The following DGKZ variants were observed in gnomAD, a reference collection of about 807,000 sequenced individuals.
DGKZ encodes the protein DAG kinase zeta.
DGKZ carries 45 observed loss-of-function variants against 142.5 expected under a neutral mutation model. That is an observed-to-expected ratio of 0.32 (90% CI 0.25 to 0.40). The LOEUF (loss-of-function observed/expected upper bound fraction) is 0.40, where lower values mean the gene tolerates loss of function less well. Among genes scored for constraint, DGKZ ranks in the 10% least tolerant of loss-of-function variants. DGKZ has a pLI of 1.00. For synonymous variants in DGKZ, 442 were observed against 527.0 expected (o/e 0.84, Z 2.21); for missense variants, 755 against 1,306.5 (o/e 0.58, Z 6.51).
At chr11:46,342,896 G>C (rs1424139534), upstream of DGKZ, among the ~76,000 whole-genome samples, 2 of 152,180 alleles carry the variant, frequency 1.3e-5, no homozygotes, top group Non-Finnish European at 2.9e-5. Context: ...GGCCAAGGCG[G>C]GCAGATCACT....
In DGKZ at chr11:46,372,115, C is replaced by T. The variant is rs1454015737; in HGVS notation, c.872C>T (p.Ser291Phe). The T allele has an allele frequency of 5.6e-6, 9 of 1,612,084 alleles. No homozygotes were observed. Among genetic ancestry groups the T allele is most frequent in the Non-Finnish European group, 7.6e-6 (9 of 1,179,408 alleles). The stretch of plus-strand genomic sequence containing the variant: ...CCCTTCATCATCAGGCCCACCCCCT[C>T]CCCGCTCATGAAGCCCCTGCTGGTG... The change falls in exon 10 of 31, where the codon TCC (serine) becomes TTC (phenylalanine). Residue 291 changes from serine (S) to phenylalanine (F), a missense_variant. Ser to Phe is a radical substitution (Grantham distance 155). Around this residue, in one of 8 missense-constraint regions of DGKZ, gnomAD observed 142 missense variants for 244.4 expected, o/e 0.58. Coordinates refer to ENST00000527911, the Ensembl canonical transcript of DGKZ. The surrounding 1 kb of genome is among the most constrained non-coding windows in gnomAD (Gnocchi z 5.9).
intron 1 of DGKZ, among the ~76,000 whole-genome samples, chr11:46,340,881 G>T (rs1446486988): frequency 2.0e-5 from 3 of 152,194 alleles, no homozygotes; most frequent in Non-Finnish European, 4.4e-5. Flanking sequence ...AGGCATGGTG[G>T]CTCACGCCTG....
chr11:46,375,377 G>T, intron 19 of DGKZ, 55 bp from the exon 20 acceptor site: 1 of 1,510,168 alleles, frequency 6.6e-7, no homozygotes, highest in South Asian at 1.2e-5. Flanking sequence ...CAGAGTCTGG[G>T]ACCCCCCTGC....
intron 1 of DGKZ, among the ~76,000 whole-genome samples, chr11:46,356,533 C>T (rs1480384264): frequency 6.6e-6 from 1 of 152,164 alleles, no homozygotes; most frequent in Non-Finnish European, 1.5e-5. Context: ...GCTGATTGCC[C>T]AGGGTCTGAG....
intron 1 of DGKZ, chr11:46,366,494 C>G (rs1324634354): frequency 1.3e-6 from 2 of 1,581,922 alleles, no homozygotes; most frequent in African/African-American, 1.3e-5. Flanking sequence ...CACTGTGCCC[C>G]CTTCCTGCAA....
Position 46,367,015 on chromosome 11 carries a change from G to A in DGKZ, c.162-276G>A. ...TATAGCTGTGGCCAGCAGGGCGAGT[G>A]GTGTGACCTCCTGTGGGTCTGGCCT... On this transcript the variant is annotated intron_variant, in intron 1 of 30. Coordinates refer to ENST00000527911, the Ensembl canonical transcript of DGKZ. This position sits in a 1 kb window ranked among gnomAD's most constrained non-coding sequence, Gnocchi z 4.1. 2.7e-6 allele frequency: 4 copies of A among 1,487,244 alleles called. No homozygotes were observed. Among genetic ancestry groups the A allele is most frequent in the African/African-American group, 1.4e-5 (1 of 71,546 alleles). The allele number at this position is 1,487,244 out of a possible 1,614,324, so 92.1% of individuals were successfully genotyped here.
chr11:46,368,391 C>T, intron 4 of DGKZ: 1 of 401,626 alleles, frequency 2.5e-6, no homozygotes, highest in Admixed American at 3.5e-5. Flanking sequence ...TTAGAAGAGG[C>T]CATTGATTTG....
chr11:46,369,638 C>A, intron 5 of DGKZ, 88 bp downstream of exon 5: 1 of 1,523,168 alleles, frequency 6.6e-7, no homozygotes, highest in Non-Finnish European at 9.1e-7. Context: ...CACCAGGGGG[C>A]TCGGCTCCCT....
At chr11:46,358,125 C>CT (rs923443415) in intron 1 of DGKZ, among the ~76,000 whole-genome samples, 22 of 151,850 alleles carry the variant, frequency 1.4e-4, no homozygotes, top group Admixed American at 5.3e-4. Context: ...TGGTTCCTGC[C>CT]TTTTTTTTGC....
At chr11:46,369,525 A>T in exon 5 of DGKZ, 1 of 1,613,496 alleles carries the variant, frequency 6.2e-7, no homozygotes, top group Non-Finnish European at 8.5e-7. Context: ...TCCTTCCGTG[A>T]ATCAGGCTCC....
At chr11:46,375,144 C>A in intron 19 of DGKZ, 99 bp downstream of exon 19, 1 of 1,126,168 alleles carries the variant, frequency 8.9e-7, no homozygotes, top group African/African-American at 1.6e-5. Flanking sequence ...CTAGTTCACC[C>A]TCACCTCCCT....
chr11:46,337,837 G>A (rs1285461948), intron 1 of DGKZ, among the ~76,000 whole-genome samples: 1 of 152,152 alleles, frequency 6.6e-6, no homozygotes, highest in Non-Finnish European at 1.5e-5. Context: ...TCACTGGGAT[G>A]TGGCTGGCGG....
rs755605885 is a variant in DGKZ at position 46,367,329 on chromosome 11, C to T, written c.200C>T (p.Pro67Leu). 3.5e-5 allele frequency: 56 copies of T among 1,612,774 alleles called. No individual in the cohort carries two copies. In the Middle Eastern group the frequency reaches 8.8e-4, roughly 25 times the overall value. Reference sequence around the variant, plus strand: ...AAGTCGGGCCTCCAGCACCTGGCCCCCCCTCCGCCCACCCCTGGGGCCCCG... The same window carrying T: ...AAGTCGGGCCTCCAGCACCTGGCCCTCCCTCCGCCCACCCCTGGGGCCCCG... The change falls in exon 2 of 31, where the codon CCC (proline) becomes CTC (leucine). Residue 67 changes from proline (P) to leucine (L), a missense_variant. Pro to Leu is a moderately conservative substitution (Grantham distance 98). Coordinates refer to ENST00000527911, the Ensembl canonical transcript of DGKZ. This position sits in a 1 kb window ranked among gnomAD's most constrained non-coding sequence, Gnocchi z 4.1.
intron 1 of DGKZ, among the ~76,000 whole-genome samples, chr11:46,363,305 G>A (rs1012258127): frequency 6.6e-6 from 1 of 152,318 alleles, no homozygotes. Context: ...ATGGGAGCAC[G>A]GAGGCATGGG....
At position 46,367,699 on chromosome 11, in the gene DGKZ, C is replaced by G. The variant is rs146222671; in HGVS notation, c.318C>G (p.Ser106=). The change falls in exon 3 of 31, where the codon TCC becomes TCG. Residue 106 remains serine, a synonymous_variant. Transcript: ENST00000527911. The surrounding 1 kb of genome is among the most constrained non-coding windows in gnomAD (Gnocchi z 4.1). ...ACATCTGGTTCGAGACCAACGTGTC[C>G]GGGGACTTCTGCTACGTTGGGGAGC... 2 of 1,611,452 alleles carry G rather than the reference C, an allele frequency of 1.2e-6. No individual in the cohort carries two copies. The highest frequency in any genetic ancestry group is 1.3e-5 in the African/African-American group (1 of 74,998).
chr11:46,377,082 A>C (rs760198491), exon 25 of DGKZ: 2 of 1,612,650 alleles, frequency 1.2e-6, no homozygotes, highest in South Asian at 2.2e-5. Context: ...GGAGCACCTC[A>C]ACTATGTGAC....
In DGKZ at chr11:46,372,214, T is replaced by C; in HGVS notation, c.927+44T>C. ...CTCAGCTAAGGGCTCGGGCGGGGGT[T>C]GGGGTCCAGCCCGTCTGCCAGCAGC... is the stretch of plus-strand genomic sequence containing the variant. On this transcript the variant is annotated intron_variant, in intron 10 of 30. Transcript: ENST00000527911. This position sits in a 1 kb window ranked among gnomAD's most constrained non-coding sequence, Gnocchi z 5.9. The C allele has an allele frequency of 6.6e-7, 1 of 1,523,118 alleles. No individual in the cohort carries two copies. The highest frequency in any genetic ancestry group is 8.9e-7 in the Non-Finnish European group (1 of 1,123,810). 94.4% of individuals were successfully genotyped at this position (1,523,118 alleles called of 1,614,324 possible).
intron 4 of DGKZ, chr11:46,368,289 C>T (rs959197455): frequency 1.5e-5 from 10 of 654,100 alleles, no homozygotes; most frequent in Non-Finnish European, 2.8e-5. Flanking sequence ...CTGGAACAAA[C>T]CTGGCGCCTA....
chr11:46,368,015 C>T (rs778387864), exon 4 of DGKZ: 1 of 1,613,992 alleles, frequency 6.2e-7, no homozygotes, highest in Non-Finnish European at 8.5e-7. Flanking sequence ...AAGTCAGTGT[C>T]TCGAAGAAAG....
Sources: allele counts gnomAD v4.1 joint callset (sites outside exome capture counted in the v4.1 genomes callset), GRCh38; gene constraint gnomAD v4.1.1; regional missense constraint gnomAD v4.1.1; non-coding constraint Gnocchi (gnomAD v3.1); transcripts MANE v1.5; gene names NCBI Gene and HGNC (gene_info 2026-07-23, HGNC 2026-07-21).